CCDC146: variants seen among roughly 807,000 people sequenced by gnomAD.
CCDC146 encodes the protein coiled-coil domain-containing protein 146.
A neutral mutation model predicts 119.3 loss-of-function variants in CCDC146; 92 were observed. The observed-to-expected ratio is 0.77, with a 90% CI of 0.65 to 0.92. The LOEUF (loss-of-function observed/expected upper bound fraction) is 0.92. Among genes scored for constraint, CCDC146 ranks in the 40% least tolerant of loss-of-function variants. The pLI is 0.00. For missense variants in CCDC146, 1,000 were observed against 1,103.0 expected (o/e 0.91, Z 1.32); for synonymous variants, 372 against 371.8 (o/e 1.00, Z -0.01).
intron 18 of CCDC146, among the ~76,000 whole-genome samples, 192 bp from the exon 19 acceptor site, chr7:77,294,466 GTGTGT>G (rs1562865815): frequency 1.9e-4 from 11 of 57,588 alleles, no homozygotes; most frequent in Non-Finnish European, 3.7e-4. Context: ...AGAGGTAGGT[GTGTGT>G]GTGTGTGTGT....
chr7:77,222,908 T>C (rs1792431928), intron 2 of CCDC146, among the ~76,000 whole-genome samples: 1 of 152,250 alleles, frequency 6.6e-6, no homozygotes, highest in African/African-American at 2.4e-5. Context: ...GGCCACTCCC[T>C]GCCTCTTCTG....
chr7:77,226,140 G>A (rs1037755521), intron 2 of CCDC146, among the ~76,000 whole-genome samples: 4 of 152,218 alleles, frequency 2.6e-5, no homozygotes, highest in Non-Finnish European at 5.9e-5. Flanking sequence ...AAAAGTCAAA[G>A]GAAGCAGTTT....
intron 1 of CCDC146, among the ~76,000 whole-genome samples, chr7:77,163,894 C>T (rs1791302711): frequency 1.6e-5 from 2 of 122,816 alleles, no homozygotes; most frequent in Admixed American, 2.0e-4. Flanking sequence ...GAGTCTCGCT[C>T]TTTCTCCCAG....
intron 9 of CCDC146, among the ~76,000 whole-genome samples, chr7:77,267,282 C>T (rs995564795): frequency 3.3e-5 from 5 of 152,214 alleles, no homozygotes; most frequent in African/African-American, 7.2e-5. Flanking sequence ...TGTGAGCCAT[C>T]GCGCCTGGCC....
chr7:77,127,407 G>A (rs1458572776), intron 1 of CCDC146, among the ~76,000 whole-genome samples: 1 of 152,128 alleles, frequency 6.6e-6, no homozygotes, highest in African/African-American at 2.4e-5. Context: ...GGAGGCCTGG[G>A]TCTGCAGTCT....
At chr7:77,197,698 T>G (rs1791901342) in intron 2 of CCDC146, among the ~76,000 whole-genome samples, 1 of 152,240 alleles carries the variant, frequency 6.6e-6, no homozygotes, top group Non-Finnish European at 1.5e-5. Flanking sequence ...AAATTCATAT[T>G]CATTTCACTT....
rs758717646 is a variant in CCDC146 at position 77,254,528 on chromosome 7, A to G, written c.472A>G (p.Ile158Val). 40 of 1,546,934 alleles carry G rather than the reference A, an allele frequency of 2.6e-5. No homozygotes were observed. The highest frequency in any genetic ancestry group is 3.5e-5 in the Non-Finnish European group (39 of 1,124,966). ...LNSLKEEKII[I>V]VKEFEKITKP... ...CAGCTTAAAGGAAGAAAAAATCATC[A>G]TAGTAAAAGAATTTGAGAAGATAAC... Residue 158 changes from isoleucine (I) to valine (V), a missense_variant, in exon 5 of 19, where the codon ATA (isoleucine) becomes GTA (valine). By Grantham distance (29) the Ile-to-Val change is conservative. Around this residue, in one of 2 missense-constraint regions of CCDC146, gnomAD observed 985 missense variants for 1,045.3 expected, o/e 0.94. Coordinates refer to ENST00000285871, the MANE Select transcript of CCDC146 (RefSeq NM_020879.3).
intron 1 of CCDC146, among the ~76,000 whole-genome samples, chr7:77,133,001 A>G (rs1790807862): frequency 6.6e-6 from 1 of 151,920 alleles, no homozygotes; most frequent in African/African-American, 2.4e-5. Context: ...GTGAAACCCC[A>G]TCTCTACTAA....
At chr7:77,242,010 T>C (rs1158357444) in intron 4 of CCDC146, 110 bp downstream of exon 4, 2 of 776,356 alleles carry the variant, frequency 2.6e-6, no homozygotes, top group Middle Eastern at 3.7e-4. Context: ...AGTACGATGA[T>C]GATTGCAAAC....
At chr7:77,250,156 A>C (rs546076124) in intron 4 of CCDC146, among the ~76,000 whole-genome samples, 1 of 152,240 alleles carries the variant, frequency 6.6e-6, no homozygotes, top group Non-Finnish European at 1.5e-5. Flanking sequence ...ATGGGCATAC[A>C]TAAATATATA....
At chr7:77,160,110 T>C (rs1231881786) in intron 1 of CCDC146, among the ~76,000 whole-genome samples, 2 of 152,224 alleles carry the variant, frequency 1.3e-5, no homozygotes, top group Admixed American at 1.3e-4. Flanking sequence ...AGGGCTCTAT[T>C]CTGTTCCATT....
intron 11 of CCDC146, among the ~76,000 whole-genome samples, chr7:77,277,846 TA>T (rs5885016): frequency 0.92 from 139,684 of 152,106 alleles, 64,337 homozygotes; most frequent in African/African-American, 0.98. Context: ...TCCTCTGGTT[TA>T]CTACCAGCAA....
At chr7:77,259,129 A>C in intron 7 of CCDC146, 61 bp downstream of exon 7, 1 of 957,944 alleles carries the variant, frequency 1.0e-6, no homozygotes, top group East Asian at 2.5e-5. Flanking sequence ...GCACACTAGA[A>C]CAAGAGTACT....
intron 4 of CCDC146, among the ~76,000 whole-genome samples, chr7:77,249,737 T>C (rs1422550235): frequency 6.6e-6 from 1 of 152,108 alleles, no homozygotes; most frequent in Admixed American, 6.5e-5. Flanking sequence ...ATAATTTGAG[T>C]CTTGTTTTTG....
At chr7:77,180,348 C>T (rs1791568211) in intron 2 of CCDC146, among the ~76,000 whole-genome samples, 1 of 152,068 alleles carries the variant, frequency 6.6e-6, no homozygotes, top group Non-Finnish European at 1.5e-5. Flanking sequence ...GTTGCTTCTA[C>T]CTCTTGGCTG....
chr7:77,196,922 G>C lies in CCDC146; in HGVS notation c.156+29098G>C, dbSNP rs371989577. 6.2e-7 allele frequency: 1 copy of C among 1,613,576 alleles called. No individual in the cohort carries two copies. Among genetic ancestry groups the C allele is most frequent in the Non-Finnish European group, 8.5e-7 (1 of 1,179,884 alleles). ...TTTGGGATCAGGTGTAACTCTGTAG[G>C]TCTCACTGCTTCTTTTGCCTATTGC... On this transcript the variant is annotated intron_variant, in intron 2 of 18. Coordinates refer to ENST00000285871, the MANE Select transcript of CCDC146 (RefSeq NM_020879.3). This position sits in a 1 kb window ranked among gnomAD's most constrained non-coding sequence, Gnocchi z 4.2.
intron 18 of CCDC146, among the ~76,000 whole-genome samples, chr7:77,293,581 T>TGGCCTCCACAGCATACAGTGA (rs1793992033): frequency 6.6e-6 from 1 of 152,224 alleles, no homozygotes; most frequent in Non-Finnish European, 1.5e-5. Flanking sequence ...TCATCTCCTG[T>TGGCCTCCACAGCATACAGTGA]GGCCTCCACA....
At chr7:77,177,860 A>G (rs1791523499) in intron 2 of CCDC146, among the ~76,000 whole-genome samples, 1 of 152,216 alleles carries the variant, frequency 6.6e-6, no homozygotes, top group South Asian at 2.1e-4. Flanking sequence ...GCTGTCAAGA[A>G]TCTTTAAAGA....
At chr7:77,159,593 G>T (rs575976877) in intron 1 of CCDC146, among the ~76,000 whole-genome samples, 308 of 152,214 alleles carry the variant, frequency 2.0e-3, no homozygotes, top group African/African-American at 7.2e-3. Flanking sequence ...TGAAATGAAC[G>T]TGGGAGTGCC....
Sources: gnomAD v4.1 joint callset for allele counts (sites outside exome capture counted in the v4.1 genomes callset) on GRCh38, gnomAD v4.1.1 for gene constraint, gnomAD v4.1.1 regional missense constraint, Gnocchi (gnomAD v3.1) non-coding constraint, MANE v1.5 for transcripts, NCBI Gene and HGNC (gene_info 2026-07-23, HGNC 2026-07-21) for gene names.